Variants in SOX6 observed in about 807,000 individuals in gnomAD.
SOX6 encodes SRY-box transcription factor 6.
A neutral mutation model predicts 97.8 loss-of-function variants in SOX6; 11 were observed. The ratio of observed to expected loss-of-function variants is 0.11; its 90% CI spans 0.07 to 0.19. The LOEUF (loss-of-function observed/expected upper bound fraction) is 0.19. Among genes scored for constraint, SOX6 ranks in the 10% least tolerant of loss-of-function variants. SOX6 has a pLI of 1.00. For synonymous variants in SOX6, 360 were observed against 371.4 expected, an observed-to-expected ratio of 0.97 and a Z score of 0.35; for missense variants, 810 against 1,039.5, an observed-to-expected ratio of 0.78 and a Z score of 3.04.
At chr11:16,112,779 C>T (rs1849261607) in intron 6 of SOX6, among the ~76,000 whole-genome samples, 1 of 152,066 alleles carries the variant, frequency 6.6e-6, no homozygotes, top group Admixed American at 6.5e-5. Context: ...TCCTAGCTTC[C>T]TTCTTTACTC....
At chr11:16,168,695 A>C (rs1850951363) in intron 6 of SOX6, among the ~76,000 whole-genome samples, 1 of 152,132 alleles carries the variant, frequency 6.6e-6, no homozygotes, top group Admixed American at 6.6e-5. Context: ...ATACCACCCC[A>C]TATCCTTCAG....
chr11:16,459,337 T>C (rs750619054), intron 1 of SOX6, among the ~76,000 whole-genome samples: 2 of 151,854 alleles, frequency 1.3e-5, no homozygotes, highest in Non-Finnish European at 2.9e-5. Context: ...TTTAACTGCA[T>C]ACCAGAAAAA....
At chr11:16,379,912 G>A (rs1857759197) in intron 1 of SOX6, among the ~76,000 whole-genome samples, 2 of 151,948 alleles carry the variant, frequency 1.3e-5, no homozygotes, top group Middle Eastern at 3.4e-3. Context: ...AATTAATAAT[G>A]TAAAACAACA....
intron 4 of SOX6, among the ~76,000 whole-genome samples, chr11:16,488,915 C>T (rs1351966068): frequency 6.6e-6 from 1 of 152,074 alleles, no homozygotes; most frequent in African/African-American, 2.4e-5. Flanking sequence ...AGTTTACAGG[C>T]AAGGAAACAG....
chr11:16,098,078 C>G (rs1848846875), intron 7 of SOX6, among the ~76,000 whole-genome samples: 1 of 151,768 alleles, frequency 6.6e-6, no homozygotes, highest in South Asian at 2.1e-4. Flanking sequence ...GCTTTGTAGG[C>G]AAAGAAGAGT....
intron 1 of SOX6, among the ~76,000 whole-genome samples, chr11:16,416,693 C>G (rs1051806100): frequency 5.3e-5 from 8 of 152,286 alleles, no homozygotes; most frequent in African/African-American, 1.7e-4. Flanking sequence ...CCTATACTTT[C>G]ACAAATTCAC....
At chr11:16,447,821 G>C (rs1334520746) in intron 1 of SOX6, among the ~76,000 whole-genome samples, 1 of 152,184 alleles carries the variant, frequency 6.6e-6, no homozygotes, top group South Asian at 2.1e-4. Flanking sequence ...CATGACTACT[G>C]TACAAGACAG....
intron 4 of SOX6, among the ~76,000 whole-genome samples, chr11:16,504,503 A>G (rs899887277): frequency 3.3e-5 from 5 of 152,186 alleles, no homozygotes; most frequent in Admixed American, 3.3e-4. Context: ...CTACAAAAAA[A>G]AACTTCGAAA....
intron 1 of SOX6, among the ~76,000 whole-genome samples, chr11:16,412,565 A>C (rs1649944972): frequency 6.6e-6 from 1 of 152,176 alleles, no homozygotes; most frequent in Admixed American, 6.5e-5. Context: ...TTAAGCCTGG[A>C]TGACTTGAGA....
At chr11:16,697,932 A>G (rs2134039749) in intron 3 of SOX6, among the ~76,000 whole-genome samples, 1 of 152,350 alleles carries the variant, frequency 6.6e-6, no homozygotes, top group Non-Finnish European at 1.5e-5. Flanking sequence ...ATGTGCTGTC[A>G]TCCAGGCTTT....
At chr11:16,688,704 T>C (rs1847987928) in intron 3 of SOX6, among the ~76,000 whole-genome samples, 1 of 152,214 alleles carries the variant, frequency 6.6e-6, no homozygotes, top group Non-Finnish European at 1.5e-5. Flanking sequence ...CTATTAATAC[T>C]TTTTAATGTC....
At chr11:16,621,630 A>G (rs866769382) in intron 3 of SOX6, among the ~76,000 whole-genome samples, 12 of 152,330 alleles carry the variant, frequency 7.9e-5, no homozygotes, top group Non-Finnish European at 1.6e-4. Context: ...AGAGACTAGC[A>G]TAGAGTTTAA....
At chr11:16,103,190 A>G (rs1473465776) in intron 7 of SOX6, among the ~76,000 whole-genome samples, 1 of 151,932 alleles carries the variant, frequency 6.6e-6, no homozygotes, top group African/African-American at 2.4e-5. Context: ...AAAACAAACA[A>G]TCCCATTAAA....
At chr11:16,570,928 G>A (rs1321173505) in intron 4 of SOX6, among the ~76,000 whole-genome samples, 1 of 152,210 alleles carries the variant, frequency 6.6e-6, no homozygotes, top group East Asian at 1.9e-4. Flanking sequence ...ATTTTTACAG[G>A]ATTATTGCTT....
At chr11:16,054,250 C>T (rs993310568) in intron 10 of SOX6, among the ~76,000 whole-genome samples, 1 of 152,094 alleles carries the variant, frequency 6.6e-6, no homozygotes, top group Non-Finnish European at 1.5e-5. Flanking sequence ...TACTCAATAG[C>T]TCAAGTCACT....
Position 16,427,514 on chromosome 11 carries a change from G to A in SOX6, c.-5+48801C>T, listed in dbSNP as rs375946287. Among the ~76,000 whole-genome samples, 6 of 150,390 alleles carry A rather than the reference G, an allele frequency of 4.0e-5. No individual in the cohort carries two copies. In the East Asian group the frequency reaches 7.9e-4, roughly 20 times the overall value. On this transcript the variant is annotated intron_variant, in intron 1 of 15. Coordinates refer to the SOX6 transcript ENST00000396356. ...CCCCACAACAGGCCCAATGTGTGAT[G>A]TTCCCCTTCCTGTGTCCATGTGTTC...
chr11:16,436,061 C>G (rs1859370195), intron 1 of SOX6, among the ~76,000 whole-genome samples: 1 of 152,156 alleles, frequency 6.6e-6, no homozygotes, highest in African/African-American at 2.4e-5. Context: ...CTCCGATTGA[C>G]AAATCCTCAT....
At chr11:16,659,587 A>G (rs967787174) in intron 3 of SOX6, among the ~76,000 whole-genome samples, 3 of 152,168 alleles carry the variant, frequency 2.0e-5, no homozygotes, top group Admixed American at 2.0e-4. Context: ...TTTGACTGGG[A>G]TTGCATTGAC....
intron 4 of SOX6, among the ~76,000 whole-genome samples, chr11:16,208,753 A>G (rs989522837): frequency 3.3e-5 from 5 of 152,242 alleles, no homozygotes; most frequent in African/African-American, 9.6e-5. Flanking sequence ...TGGAAGTTCT[A>G]TATAACTCAG....
Sources: allele counts gnomAD v4.1 joint callset (sites outside exome capture counted in the v4.1 genomes callset), GRCh38; gene constraint gnomAD v4.1.1; transcripts MANE v1.5; gene names NCBI Gene and HGNC (gene_info 2026-07-23, HGNC 2026-07-21).